The following NUP153 variants were observed in gnomAD, a reference collection of about 807,000 sequenced individuals.
The protein encoded by NUP153 is nucleoporin 153, also known as nuclear pore complex protein Nup153.
A neutral mutation model predicts 134.6 loss-of-function variants in NUP153; 27 were observed. That is an observed-to-expected ratio of 0.20 (90% CI 0.15 to 0.28). The LOEUF is 0.28. NUP153 is among the 10% of genes least tolerant of loss of function. The probability of loss-of-function intolerance (pLI) is 1.00; values close to 1 mark genes in which losing one functional copy is unlikely to be tolerated. For missense variants in NUP153, 1,821 were observed against 1,731.3 expected, an observed-to-expected ratio of 1.05 and a Z score of -0.92; for synonymous variants, 640 against 623.5, an observed-to-expected ratio of 1.03 and a Z score of -0.40.
At chr6:17,669,948 A>C (rs1767791397) in intron 5 of NUP153, among the ~76,000 whole-genome samples, 1 of 151,920 alleles carries the variant, frequency 6.6e-6, no homozygotes, top group Non-Finnish European at 1.5e-5. Context: ...ACAAAAAATT[A>C]GCCAGGCGTG....
At chr6:17,705,787 G>A (rs776598017) in intron 1 of NUP153, among the ~76,000 whole-genome samples, 2 of 151,984 alleles carry the variant, frequency 1.3e-5, no homozygotes, top group African/African-American at 4.8e-5. Context: ...CCATGTAACA[G>A]CGCCCCCCAC....
chr6:17,619,608 C>G (rs1764539851), intron 20 of NUP153: 1 of 152,070 alleles, frequency 6.6e-6, no homozygotes, highest in Non-Finnish European at 1.5e-5. Flanking sequence ...GGATGACACC[C>G]AAATTTGTGA....
At chr6:17,676,698 A>G (rs976492111) in intron 2 of NUP153, among the ~76,000 whole-genome samples, 2 of 152,312 alleles carry the variant, frequency 1.3e-5, no homozygotes, top group Middle Eastern at 3.4e-3. Flanking sequence ...CACAAAAAAA[A>G]ACTCACAAGG....
intron 1 of NUP153, among the ~76,000 whole-genome samples, chr6:17,695,301 T>C (rs1255833145): frequency 2.0e-5 from 3 of 152,184 alleles, no homozygotes; most frequent in Admixed American, 6.5e-5. Flanking sequence ...ATGAGCTCAT[T>C]AGAAAGGCAA....
chr6:17,648,679 T>G (rs371328183), intron 12 of NUP153, among the ~76,000 whole-genome samples: 1 of 152,076 alleles, frequency 6.6e-6, no homozygotes, highest in Non-Finnish European at 1.5e-5. Flanking sequence ...GGTGTACACC[T>G]GTAGTCCCAG....
chr6:17,625,005 A>G lies in NUP153; in HGVS notation c.3902-172T>C, dbSNP rs985486581. On this transcript the variant is annotated intron_variant, in intron 19 of 21. Coordinates refer to ENST00000262077, the MANE Select transcript of NUP153 (RefSeq NM_005124.4). The surrounding 1 kb of genome is among the most constrained non-coding windows in gnomAD (Gnocchi z 4.7). ...AATGATTGAGAATACAACGCTCTCT[A>G]CCATTATTTAGTGAAACATACTAAA... Among the ~76,000 whole-genome samples, 2 of 152,212 alleles carry G rather than the reference A, an allele frequency of 1.3e-5. No individual in the cohort carries two copies. The highest frequency in any genetic ancestry group is 2.9e-5 in the Non-Finnish European group (2 of 68,040).
intron 1 of NUP153, among the ~76,000 whole-genome samples, chr6:17,694,894 G>A (rs775456549): frequency 2.0e-5 from 3 of 151,640 alleles, no homozygotes; most frequent in South Asian, 2.1e-4. Flanking sequence ...TAGGAGAATC[G>A]CTTGAACCCA....
chr6:17,689,681 A>T (rs1401716303), intron 1 of NUP153, among the ~76,000 whole-genome samples: 2 of 151,318 alleles, frequency 1.3e-5, no homozygotes, highest in African/African-American at 4.9e-5. Context: ...GGATTACACC[A>T]CACCCAGCTA....
intron 2 of NUP153, among the ~76,000 whole-genome samples, chr6:17,687,092 CCTG>C (rs1461635839): frequency 2.0e-5 from 3 of 152,078 alleles, no homozygotes; most frequent in Non-Finnish European, 4.4e-5. Flanking sequence ...ATAAATTCAT[CCTG>C]CTATTTTCAT....
At chr6:17,621,951 A>G (rs1271452072) in intron 20 of NUP153, among the ~76,000 whole-genome samples, 1 of 152,094 alleles carries the variant, frequency 6.6e-6, no homozygotes, top group Non-Finnish European at 1.5e-5. Context: ...AAAAATGAAA[A>G]ACTTTAAAAT....
chr6:17,685,139 G>T (rs1210170835), intron 2 of NUP153, among the ~76,000 whole-genome samples: 1 of 152,178 alleles, frequency 6.6e-6, no homozygotes, highest in Non-Finnish European at 1.5e-5. Context: ...AATAAAATAT[G>T]TATTTATAAA....
In NUP153 at chr6:17,675,613, G is replaced by A; in HGVS notation, c.492C>T (p.Ser164=). The part of the protein sequence containing the change: ...SAFPIGSSGF[S]LVKEIKDSTS... ...TAGAATCTTTAATTTCCTTTACAAG[G>A]GAAAATCCCGAACTGCCAATTGGGA... The change falls in exon 3 of 22, where the codon TCC becomes TCT. Residue 164 remains serine (S), a synonymous_variant. Coordinates refer to ENST00000262077, the MANE Select transcript of NUP153 (RefSeq NM_005124.4). This position sits in a 1 kb window ranked among gnomAD's most constrained non-coding sequence, Gnocchi z 4.4. 6.2e-7 allele frequency: 1 copy of A among 1,614,068 alleles called. No homozygotes were observed. Among genetic ancestry groups the A allele is most frequent in the Non-Finnish European group, 8.5e-7 (1 of 1,179,994 alleles).
At chr6:17,666,093 C>T (rs551126105) in intron 8 of NUP153, among the ~76,000 whole-genome samples, 100 of 151,948 alleles carry the variant, frequency 6.6e-4, no homozygotes, top group Non-Finnish European at 1.1e-3. Flanking sequence ...TCAAAGAGTG[C>T]TGGGATTACA....
chr6:17,641,591 C>T (rs1765844033), intron 14 of NUP153, among the ~76,000 whole-genome samples: 1 of 151,788 alleles, frequency 6.6e-6, no homozygotes, highest in South Asian at 2.1e-4. Flanking sequence ...CGGTGGCTCA[C>T]GCCTGTAATC....
intron 9 of NUP153, among the ~76,000 whole-genome samples, chr6:17,665,034 CAG>C (rs1021906282): frequency 6.2e-4 from 53 of 84,838 alleles, no homozygotes; most frequent in African/African-American, 2.2e-3. Flanking sequence ...CCCCTGGAGA[CAG>C]AGTGAGACTC....
At chr6:17,668,158 C>T (rs1217821018) in intron 8 of NUP153, among the ~76,000 whole-genome samples, 1 of 149,884 alleles carries the variant, frequency 6.7e-6, no homozygotes, top group South Asian at 2.1e-4. Context: ...TCACTGCACC[C>T]TCCGCCTCCC....
intron 2 of NUP153, among the ~76,000 whole-genome samples, chr6:17,687,100 T>C (rs1225592801): frequency 6.6e-6 from 1 of 152,178 alleles, no homozygotes; most frequent in Admixed American, 6.5e-5. Context: ...ATCCTGCTAT[T>C]TTCATGAAAA....
At chr6:17,655,458 C>T (rs1192270012) in intron 11 of NUP153, among the ~76,000 whole-genome samples, 8 of 147,164 alleles carry the variant, frequency 5.4e-5, no homozygotes, top group African/African-American at 2.0e-4. Context: ...CTTATTATTA[C>T]TTTTTTTTTT....
At chr6:17,700,446 T>A (rs1769980533) in intron 1 of NUP153, among the ~76,000 whole-genome samples, 1 of 152,244 alleles carries the variant, frequency 6.6e-6, no homozygotes, top group African/African-American at 2.4e-5. Context: ...ACAACTATCC[T>A]ATCAACTATC....
Sources: gnomAD v4.1 joint callset for allele counts (sites outside exome capture counted in the v4.1 genomes callset) on GRCh38, gnomAD v4.1.1 for gene constraint, Gnocchi (gnomAD v3.1) non-coding constraint, MANE v1.5 for transcripts, NCBI Gene and HGNC (gene_info 2026-07-23, HGNC 2026-07-21) for gene names.